PDE1A: variants seen among roughly 807,000 people sequenced by gnomAD.
PDE1A encodes dual specificity calcium/calmodulin-dependent 3',5'-cyclic nucleotide phosphodiesterase 1A.
In PDE1A, 35 loss-of-function variants were observed where a neutral mutation model predicts 61.7. The observed-to-expected ratio is 0.57, with a 90% confidence interval of 0.43 to 0.75. PDE1A has a LOEUF of 0.75. Ranked by LOEUF, PDE1A falls within the 30% of genes least tolerant of loss-of-function variation. The pLI is 0.00. For missense variants in PDE1A, 597 were observed against 630.6 expected (o/e 0.95, Z 0.57); for synonymous variants, 232 against 213.2 (o/e 1.09, Z -0.77).
intron 2 of PDE1A, among the ~76,000 whole-genome samples, chr2:182,461,923 C>G (rs1254390249): frequency 2.0e-5 from 3 of 152,092 alleles, no homozygotes; most frequent in African/African-American, 7.2e-5. Flanking sequence ...TTCCCAGAAG[C>G]CCCAGAAAAA....
At chr2:182,645,647 T>C in the PDE1A span, among the ~76,000 whole-genome samples, 3 of 152,182 alleles carry the variant, frequency 2.0e-5, no homozygotes, top group Admixed American at 2.0e-4. Flanking sequence ...AAGTTCAAGA[T>C]TTCTAAAGTA....
At chr2:182,429,559 G>A (rs192700970), upstream of PDE1A, among the ~76,000 whole-genome samples, 8 of 152,010 alleles carry the variant, frequency 5.3e-5, no homozygotes, top group East Asian at 1.9e-4. Flanking sequence ...TACCCTACCC[G>A]ACTCAGTGCT....
intron 1 of PDE1A, among the ~76,000 whole-genome samples, chr2:182,380,534 G>A (rs1700674483): frequency 6.6e-6 from 1 of 152,114 alleles, no homozygotes. Context: ...AATGGTATAT[G>A]TGCTAATTTT....
intron 1 of PDE1A, among the ~76,000 whole-genome samples, chr2:182,393,800 C>T (rs1701552364): frequency 6.6e-6 from 1 of 152,208 alleles, no homozygotes. Flanking sequence ...AGTCTCTTTG[C>T]TAAAACATAA....
At chr2:182,564,365 GA>G in the PDE1A span, among the ~76,000 whole-genome samples, 1 of 152,116 alleles carries the variant, frequency 6.6e-6, no homozygotes, top group African/African-American at 2.4e-5. Context: ...TTTTCTTTAA[GA>G]ATGTTGAATA....
In PDE1A at chr2:182,264,878, C is replaced by CATAT. The variant is rs148358464; in HGVS notation, c.54-468_54-465dup. 2.3e-3 allele frequency among the ~76,000 whole-genome samples: 242 copies of CATAT among 106,862 alleles called. 14 individuals are homozygous for CATAT. Among genetic ancestry groups the CATAT allele is most frequent in the African/African-American group, 8.3e-3 (225 of 27,098 alleles). 70.1% of individuals were successfully genotyped at this position (106,862 alleles called of 152,430 possible). A position where few individuals can be genotyped will look rare whatever the true frequency, so the allele number is the denominator to read the frequency against. The stretch of plus-strand genomic sequence containing the variant: ...ATAAAGAAAATGTGGTATATATATA[C>CATAT]ATATATATATATATGTATATATATA... On this transcript the variant is annotated intron_variant, in intron 1 of 13. Transcript: ENST00000351439.
At chr2:182,348,602 G>A (rs1395721105) in intron 1 of PDE1A, among the ~76,000 whole-genome samples, 1 of 151,900 alleles carries the variant, frequency 6.6e-6, no homozygotes, top group Non-Finnish European at 1.5e-5. Flanking sequence ...ATCTATACAT[G>A]TATAGATTAC....
chr2:182,484,259 C>T (rs1687874806), intron 2 of PDE1A, among the ~76,000 whole-genome samples: 2 of 151,856 alleles, frequency 1.3e-5, no homozygotes, highest in African/African-American at 4.8e-5. Flanking sequence ...TAAATTCAAA[C>T]CCAAAGATAC....
upstream of PDE1A, among the ~76,000 whole-genome samples, chr2:182,526,938 T>TATA (rs550763055): frequency 1.2e-3 from 183 of 152,190 alleles, 3 homozygotes; most frequent in South Asian, 0.016. Context: ...TCTCATTAGT[T>TATA]ACTTTTTTTT....
At chr2:182,714,550 A>G in the PDE1A span, among the ~76,000 whole-genome samples, 2 of 151,592 alleles carry the variant, frequency 1.3e-5, no homozygotes, top group South Asian at 2.1e-4. Flanking sequence ...CCCATATCCA[A>G]CCAATCACCA....
chr2:182,710,024 G>C, the PDE1A span, among the ~76,000 whole-genome samples: 1 of 152,138 alleles, frequency 6.6e-6, no homozygotes, highest in Non-Finnish European at 1.5e-5. Context: ...AGACTCCCGA[G>C]TAGCTGGGAT....
At chr2:182,534,492 T>G in the PDE1A span, among the ~76,000 whole-genome samples, 46 of 152,092 alleles carry the variant, frequency 3.0e-4, no homozygotes, top group East Asian at 8.3e-3. Flanking sequence ...GATATTAAAT[T>G]TTTTCTTTCA....
intron 13 of PDE1A, among the ~76,000 whole-genome samples, chr2:182,147,769 G>T (rs758323629): frequency 3.3e-5 from 5 of 152,140 alleles, no homozygotes; most frequent in Admixed American, 2.6e-4. Context: ...AAGCAACAAA[G>T]TAAACAAAAT....
the PDE1A span, among the ~76,000 whole-genome samples, chr2:182,573,234 C>T: frequency 6.6e-6 from 1 of 152,040 alleles, no homozygotes; most frequent in African/African-American, 2.4e-5. Flanking sequence ...GGGAGGAAAA[C>T]CTGCTTTCAT....
At chr2:182,696,372 C>T in the PDE1A span, among the ~76,000 whole-genome samples, 1 of 152,128 alleles carries the variant, frequency 6.6e-6, no homozygotes, top group African/African-American at 2.4e-5. Flanking sequence ...GTAAAGATAA[C>T]ATACTGTATG....
intron 1 of PDE1A, among the ~76,000 whole-genome samples, chr2:182,417,547 C>T (rs936165312): frequency 1.3e-5 from 2 of 152,082 alleles, no homozygotes; most frequent in African/African-American, 4.8e-5. Flanking sequence ...CCTAAAAAAG[C>T]ATTGAAGATT....
intron 2 of PDE1A, among the ~76,000 whole-genome samples, chr2:182,250,158 C>T (rs1029691110): frequency 6.6e-6 from 1 of 152,154 alleles, no homozygotes; most frequent in African/African-American, 2.4e-5. Context: ...TGCCAGTAAT[C>T]ATTTTCTCTA....
At chr2:182,381,950 C>G (rs1700763455) in intron 1 of PDE1A, among the ~76,000 whole-genome samples, 1 of 151,716 alleles carries the variant, frequency 6.6e-6, no homozygotes, top group South Asian at 2.1e-4. Flanking sequence ...ATGTGTTTTT[C>G]ACTAATCCCT....
intron 1 of PDE1A, among the ~76,000 whole-genome samples, chr2:182,336,023 A>T (rs922843083): frequency 6.6e-6 from 1 of 152,228 alleles, no homozygotes; most frequent in African/African-American, 2.4e-5. Context: ...AAAAAAGCTC[A>T]TCATCACTGG....
Sources: allele counts gnomAD v4.1 joint callset (sites outside exome capture counted in the v4.1 genomes callset), GRCh38; gene constraint gnomAD v4.1.1; transcripts MANE v1.5; gene names NCBI Gene and HGNC (gene_info 2026-07-23, HGNC 2026-07-21).